The following RFTN1 variants were observed in gnomAD, a reference collection of about 807,000 sequenced individuals.
The protein encoded by RFTN1 is raftlin.
A neutral mutation model predicts 46.5 loss-of-function variants in RFTN1; 26 were observed. The observed-to-expected ratio is 0.56, with a 90% CI of 0.41 to 0.78. RFTN1 has a LOEUF of 0.78. RFTN1 is among the 30% of genes least tolerant of loss of function. The pLI is 0.00. For missense variants in RFTN1, 693 were observed against 718.7 expected (o/e 0.96, Z 0.41); for synonymous variants, 261 against 284.2 (o/e 0.92, Z 0.82).
rs1456460599 is a variant in RFTN1, at chr3:16,337,513, G to A, written c.1147-10637C>T. Reference sequence around the variant, plus strand: ...AATCTCTGCACTTTGGGAGGCAGAGGTGGGTGGATCATGAGGTCAGGAGAT... The same window carrying A: ...AATCTCTGCACTTTGGGAGGCAGAGATGGGTGGATCATGAGGTCAGGAGAT... On this transcript the variant is annotated intron_variant, in intron 7 of 9. Transcript: ENST00000334133. This position sits in a 1 kb window ranked among gnomAD's most constrained non-coding sequence, Gnocchi z 5.0. Among the ~76,000 whole-genome samples, 1 of 152,100 alleles carries A rather than the reference G, an allele frequency of 6.6e-6. No individual in the cohort carries two copies. The highest frequency in any genetic ancestry group is 2.4e-5 in the African/African-American group (1 of 41,402).
chr3:16,403,537 A>G lies in RFTN1; in HGVS notation c.441+5838T>C, dbSNP rs533402273. On this transcript the variant is annotated intron_variant, in intron 4 of 9. Transcript: ENST00000334133. The stretch of plus-strand genomic sequence containing the variant: ...AGATACACAAACATGGGCCAGCAGC[A>G]TATGAGAGACAGAGACAGAGACACA... 8.3e-4 allele frequency among the ~76,000 whole-genome samples: 55 copies of G among 66,322 alleles called. 8 individuals carry two copies. Among genetic ancestry groups the G allele is most frequent in the African/African-American group, 4.6e-3 (54 of 11,858 alleles). The allele number at this position is 66,322 out of a possible 152,430, so 43.5% of individuals were successfully genotyped here.
Position 16,421,919 on chromosome 3 carries a change from A to C in RFTN1, c.332+11932T>G, listed in dbSNP as rs1320482350. Reference sequence around the variant, plus strand: ...GCTTCCCTGAACCCAGCCCTTCTGCAGGCCCCTCCTGCTCCATACAGCACA... The same window carrying C: ...GCTTCCCTGAACCCAGCCCTTCTGCCGGCCCCTCCTGCTCCATACAGCACA... On this transcript the variant is annotated intron_variant, in intron 3 of 9. Transcript: ENST00000334133. The surrounding 1 kb of genome is among the most constrained non-coding windows in gnomAD (Gnocchi z 4.6). Among the ~76,000 whole-genome samples, 1 of 152,188 alleles carries C rather than the reference A, an allele frequency of 6.6e-6. No homozygotes were observed. Among genetic ancestry groups the C allele is most frequent in the Non-Finnish European group, 1.5e-5 (1 of 68,022 alleles).
chr3:16,367,233 C>G (rs541378415), intron 6 of RFTN1, among the ~76,000 whole-genome samples: 1 of 145,262 alleles, frequency 6.9e-6, no homozygotes, highest in Non-Finnish European at 1.5e-5. Context: ...TGTAAGGACA[C>G]TAATTATCTC....
intron 3 of RFTN1, among the ~76,000 whole-genome samples, chr3:16,415,787 C>A (rs2075067652): frequency 6.6e-6 from 1 of 152,066 alleles, no homozygotes; most frequent in Admixed American, 6.6e-5. Context: ...CTGTCAATTT[C>A]CTCAATTAAC....
intron 9 of RFTN1, among the ~76,000 whole-genome samples, chr3:16,323,077 C>T (rs150009904): frequency 9.4e-4 from 143 of 152,322 alleles, no homozygotes; most frequent in African/African-American, 3.3e-3. Context: ...CAGCTGACTT[C>T]GTGCCCTTCT....
chr3:16,419,519 G>T (rs1416273317), intron 3 of RFTN1, among the ~76,000 whole-genome samples: 1 of 152,128 alleles, frequency 6.6e-6, no homozygotes. Context: ...TGCAATTGGT[G>T]GTGGTTGTGG....
In RFTN1 at chr3:16,378,044, G is replaced by GA. The variant is rs1466885082; in HGVS notation, c.499dup (p.Ser167PhefsTer37). ...ACTGCTGCCTGCCGAGTTCACAGAG[G>GA]AATGGTACTGAGGTATAACACCAAC... On this transcript the variant is annotated frameshift_variant, in exon 5 of 10. Coordinates refer to ENST00000334133, the MANE Select transcript of RFTN1 (RefSeq NM_015150.2). LOFTEE classifies it high-confidence loss of function. 8.1e-6 allele frequency: 13 copies of GA among 1,614,160 alleles called. No homozygotes were observed. Among genetic ancestry groups the GA allele is most frequent in the Non-Finnish European group, 1.1e-5 (13 of 1,180,064 alleles).
At position 16,316,688 on chromosome 3, in the gene RFTN1, G is replaced by T; in HGVS notation, c.*140C>A. On this transcript the variant is annotated 3_prime_UTR_variant, in exon 10 of 10. Transcript: ENST00000334133. The surrounding 1 kb of genome is among the most constrained non-coding windows in gnomAD (Gnocchi z 4.5). ...AGGAACCTGGCCCTGGGAGGGCTCA[G>T]GTGAGCTCACAAGGAGAGGTCAAGC... The T allele has an allele frequency of 1.1e-6, 1 of 951,668 alleles. No homozygotes were observed. The highest frequency in any genetic ancestry group is 1.6e-6 in the Non-Finnish European group (1 of 612,376). The allele number at this position is 951,668 out of a possible 1,614,324, so 59.0% of individuals were successfully genotyped here.
rs140768124 is a variant in RFTN1, at chr3:16,466,300, C to T, written c.145+27425G>A. On this transcript the variant is annotated intron_variant, in intron 2 of 9. Transcript: ENST00000334133. The surrounding 1 kb of genome is among the most constrained non-coding windows in gnomAD (Gnocchi z 5.6). ...GACTGCATTCCTATTCAGGGATTTA[C>T]GTGGGAAAAAAAGAAATCAGTGTTT... Among the ~76,000 whole-genome samples, 789 of 151,982 alleles carry T rather than the reference C, an allele frequency of 5.2e-3. 7 individuals carry two copies. The highest frequency in any genetic ancestry group is 0.018 in the African/African-American group (744 of 41,450).
intron 2 of RFTN1, among the ~76,000 whole-genome samples, chr3:16,437,510 A>C (rs1158816722): frequency 6.6e-6 from 1 of 152,030 alleles, no homozygotes; most frequent in East Asian, 1.9e-4. Context: ...AAATACAAAA[A>C]TTAACTGAGT....
At position 16,348,654 on chromosome 3, in the gene RFTN1, T is replaced by C. The variant is rs1484208383; in HGVS notation, c.1146+9278A>G. Among the ~76,000 whole-genome samples the C allele has an allele frequency of 6.6e-6, 1 of 152,216 alleles. No homozygotes were observed. Among genetic ancestry groups the C allele is most frequent in the Non-Finnish European group, 1.5e-5 (1 of 68,030 alleles). On this transcript the variant is annotated intron_variant, in intron 7 of 9. Transcript: ENST00000334133. The surrounding 1 kb of genome is among the most constrained non-coding windows in gnomAD (Gnocchi z 6.3). ...TGTGGGGCCTCAGCAAATGCCCCTT[T>C]GCATCCTTGTTCCTGGGCATCAAAA... is the stretch of plus-strand genomic sequence containing the variant.
At position 16,499,295 on chromosome 3, in the gene RFTN1, G is replaced by A. The variant is rs2076672666; in HGVS notation, c.-8-5418C>T. Reference sequence around the variant, plus strand: ...TACCCTGAATCTGGGCTCCAGGATGGCTTGACCAATAGAATATGACGGAAT... The same window carrying A: ...TACCCTGAATCTGGGCTCCAGGATGACTTGACCAATAGAATATGACGGAAT... On this transcript the variant is annotated intron_variant, in intron 1 of 9. Coordinates refer to ENST00000334133, the MANE Select transcript of RFTN1 (RefSeq NM_015150.2). This position sits in a 1 kb window ranked among gnomAD's most constrained non-coding sequence, Gnocchi z 4.9. Among the ~76,000 whole-genome samples, 1 of 152,220 alleles carries A rather than the reference G, an allele frequency of 6.6e-6. No individual in the cohort carries two copies.
chr3:16,441,211 G>A (rs771436599), intron 2 of RFTN1, among the ~76,000 whole-genome samples: 4 of 149,426 alleles, frequency 2.7e-5, no homozygotes, highest in Middle Eastern at 3.6e-3. Flanking sequence ...TGGGTGGCAT[G>A]AGAGTCCAAA....
rs1468868778 is a variant in RFTN1 at position 16,474,799 on chromosome 3, C to T, written c.145+18926G>A. 1.3e-5 allele frequency among the ~76,000 whole-genome samples: 2 copies of T among 152,216 alleles called. No individual in the cohort carries two copies. The highest frequency in any genetic ancestry group is 2.9e-5 in the Non-Finnish European group (2 of 68,040). On this transcript the variant is annotated intron_variant, in intron 2 of 9. Coordinates refer to ENST00000334133, the MANE Select transcript of RFTN1 (RefSeq NM_015150.2). The surrounding 1 kb of genome is among the most constrained non-coding windows in gnomAD (Gnocchi z 5.5). The stretch of plus-strand genomic sequence containing the variant: ...GGAGATGACATCTTGACAAGTTGGA[C>T]TCTTTCGGGACAAAGAATACAAGCT...
At chr3:16,368,122 C>T (rs567332393) in intron 6 of RFTN1, among the ~76,000 whole-genome samples, 80 of 151,890 alleles carry the variant, frequency 5.3e-4, no homozygotes, top group African/African-American at 1.9e-3. Flanking sequence ...ATGTGGTGTC[C>T]CTGCAGGAAA....
chr3:16,436,190 G>C (rs1030545163), intron 2 of RFTN1, among the ~76,000 whole-genome samples: 3 of 151,700 alleles, frequency 2.0e-5, no homozygotes, highest in Non-Finnish European at 4.4e-5. Flanking sequence ...TCTGTGAACT[G>C]TCTGTCCATT....
intron 6 of RFTN1, among the ~76,000 whole-genome samples, chr3:16,363,342 A>G (rs1170574385): frequency 6.6e-6 from 1 of 152,214 alleles, no homozygotes; most frequent in Non-Finnish European, 1.5e-5. Flanking sequence ...CCGTCTATGG[A>G]AAACATTCCA....
intron 3 of RFTN1, among the ~76,000 whole-genome samples, chr3:16,431,483 TTGC>T (rs938964366): frequency 6.6e-6 from 1 of 151,778 alleles, no homozygotes; most frequent in African/African-American, 2.4e-5. Flanking sequence ...TTGAGAAGTG[TTGC>T]TCCACAGCAG....
chr3:16,471,817 T>C (rs1372492325), intron 2 of RFTN1: 1 of 152,228 alleles, frequency 6.6e-6, no homozygotes, highest in Non-Finnish European at 1.5e-5. Context: ...CTATTTTTTA[T>C]TCCTTTGAAT....
Sources: allele counts gnomAD v4.1 joint callset (sites outside exome capture counted in the v4.1 genomes callset), GRCh38; gene constraint gnomAD v4.1.1; non-coding constraint Gnocchi (gnomAD v3.1); transcripts MANE v1.5; gene names NCBI Gene and HGNC (gene_info 2026-07-23, HGNC 2026-07-21).